The following CLSTN1 variants were observed in gnomAD, a reference collection of about 807,000 sequenced individuals.
CLSTN1 encodes the protein calsyntenin 1.
In CLSTN1, 28 loss-of-function variants were observed where a neutral mutation model predicts 108.3. The ratio of observed to expected loss-of-function variants is 0.26; its 90% CI spans 0.19 to 0.35. The LOEUF (loss-of-function observed/expected upper bound fraction) is 0.35, where lower values mean the gene tolerates loss of function less well. Ranked by LOEUF, CLSTN1 falls within the 10% of genes least tolerant of loss-of-function variation. The probability of loss-of-function intolerance (pLI) is 1.00; values close to 1 mark genes in which losing one functional copy is unlikely to be tolerated. For synonymous variants in CLSTN1, 524 were observed against 534.9 expected, an observed-to-expected ratio of 0.98 and a Z score of 0.28; for missense variants, 1,157 against 1,302.6, an observed-to-expected ratio of 0.89 and a Z score of 1.72.
At chr1:9,772,674 A>C (rs941330436) in intron 2 of CLSTN1, among the ~76,000 whole-genome samples, 1 of 152,182 alleles carries the variant, frequency 6.6e-6, no homozygotes, top group Admixed American at 6.5e-5. Context: ...ACAGTATGAA[A>C]ATCTCCAAAG....
At chr1:9,762,614 C>A (rs973389538) in intron 2 of CLSTN1, among the ~76,000 whole-genome samples, 2 of 149,342 alleles carry the variant, frequency 1.3e-5, no homozygotes, top group East Asian at 2.0e-4. Flanking sequence ...GCCTTGGTGC[C>A]CGCACTCAAC....
At position 9,731,704 on chromosome 1, in the gene CLSTN1, G is replaced by A. The variant is rs1439718359; in HGVS notation, c.2563+57C>T. 12 of 1,580,700 alleles carry A rather than the reference G, an allele frequency of 7.6e-6. No homozygotes were observed. In the South Asian group the frequency reaches 8.9e-5, roughly 12 times the overall value. On this transcript the variant is annotated intron_variant, in intron 17 of 18. Transcript: ENST00000377298. ...CAGGAGGCTGTGCCCACGGTGGGGT[G>A]GGGGCAGGGCGGACGGCATGGAGCA...
At chr1:9,762,953 G>A (rs1481301217) in intron 2 of CLSTN1, among the ~76,000 whole-genome samples, 2 of 149,680 alleles carry the variant, frequency 1.3e-5, no homozygotes, top group Non-Finnish European at 2.9e-5. Context: ...CAGTTTTTTC[G>A]GGGTACCTTT....
chr1:9,773,514 G>C (rs1288879752), intron 1 of CLSTN1, 120 bp from the exon 2 acceptor site: 3 of 1,103,436 alleles, frequency 2.7e-6, no homozygotes, highest in African/African-American at 3.2e-5. Context: ...CTTGAAGACA[G>C]TGCTCACAGT....
intron 9 of CLSTN1, among the ~76,000 whole-genome samples, chr1:9,741,847 G>C (rs1436312406): frequency 1.3e-5 from 2 of 152,218 alleles, no homozygotes; most frequent in East Asian, 1.9e-4. Flanking sequence ...GGGAGGCAAA[G>C]GTTGCGGTGA....
At position 9,787,402 on chromosome 1, in the gene CLSTN1, AT is replaced by A. The variant is rs70998310; in HGVS notation, c.92-14009del. 4.1e-3 allele frequency among the ~76,000 whole-genome samples: 559 copies of A among 136,582 alleles called. 3 individuals are homozygous for A. The highest frequency in any genetic ancestry group is 8.3e-3 in the African/African-American group (305 of 36,682). 89.6% of individuals were successfully genotyped at this position (136,582 alleles called of 152,430 possible). On this transcript the variant is annotated intron_variant, in intron 1 of 18. Transcript: ENST00000377298. ...TTGAAAGCTTAAAGTGAGCCTTCTA[AT>A]TTTTTTTTTTTTTTTTTTGAGACGG...
At chr1:9,751,744 AGT>A in intron 4 of CLSTN1, 63 bp from the exon 5 acceptor site, 4 of 1,446,824 alleles carry the variant, frequency 2.8e-6, no homozygotes, top group Non-Finnish European at 9.7e-7. Flanking sequence ...AGAGACAGAG[AGT>A]GTGTATGTGT....
intron 1 of CLSTN1, among the ~76,000 whole-genome samples, chr1:9,781,998 C>A (rs180783623): frequency 6.6e-6 from 1 of 152,270 alleles, no homozygotes; most frequent in Non-Finnish European, 1.5e-5. Context: ...AAAGCTGACA[C>A]TATTTCAGCC....
At chr1:9,810,070 G>A (rs1335677894) in intron 1 of CLSTN1, among the ~76,000 whole-genome samples, 2 of 129,120 alleles carry the variant, frequency 1.5e-5, no homozygotes, top group Non-Finnish European at 3.3e-5. Flanking sequence ...GAAAGAGAGG[G>A]AGAGAGAGAG....
At chr1:9,784,504 T>G (rs1653393518) in intron 1 of CLSTN1, among the ~76,000 whole-genome samples, 1 of 152,090 alleles carries the variant, frequency 6.6e-6, no homozygotes, top group Non-Finnish European at 1.5e-5. Flanking sequence ...AGACTATCTC[T>G]AAAGAAAAAA....
rs1652877136 is a variant in CLSTN1 at position 9,775,203 on chromosome 1, C to G, written c.92-1809G>C. ...CATCCTGTGACTTAGAATGCCTTAACCTCCTAGGAATGCAGCCCAATAGAT... is the reference window on the plus strand; with the variant it reads ...CATCCTGTGACTTAGAATGCCTTAAGCTCCTAGGAATGCAGCCCAATAGAT... On this transcript the variant is annotated intron_variant, in intron 1 of 18. Transcript: ENST00000377298. Among the ~76,000 whole-genome samples the G allele has an allele frequency of 3.3e-5, 5 of 152,118 alleles. No individual in the cohort carries two copies. In the South Asian group the frequency reaches 1.0e-3, roughly 32 times the overall value.
At chr1:9,758,244 C>T (rs891321321) in intron 2 of CLSTN1, among the ~76,000 whole-genome samples, 11 of 152,188 alleles carry the variant, frequency 7.2e-5, no homozygotes, top group Admixed American at 1.3e-4. Context: ...CCGCCCGCCT[C>T]GGCCTCCCAA....
intron 2 of CLSTN1, among the ~76,000 whole-genome samples, chr1:9,771,877 C>A (rs1652700918): frequency 6.6e-6 from 1 of 152,052 alleles, no homozygotes; most frequent in Non-Finnish European, 1.5e-5. Context: ...TCTTCAGAAA[C>A]AAACTCATGT....
Position 9,823,265 on chromosome 1 carries a change from G to C in CLSTN1, c.91+378C>G, listed in dbSNP as rs1260673508. 2.6e-5 allele frequency among the ~76,000 whole-genome samples: 4 copies of C among 152,202 alleles called. No homozygotes were observed. Among genetic ancestry groups the C allele is most frequent in the African/African-American group, 9.6e-5 (4 of 41,462 alleles). Reference sequence around the variant, plus strand: ...GCAGCCCCAGCCTGCGTGCGCCGCTGAGCAGGGCGGACTGACCCTTCGGCC... The same window carrying C: ...GCAGCCCCAGCCTGCGTGCGCCGCTCAGCAGGGCGGACTGACCCTTCGGCC... On this transcript the variant is annotated intron_variant, in intron 1 of 18. Transcript: ENST00000377298. This position sits in a 1 kb window ranked among gnomAD's most constrained non-coding sequence, Gnocchi z 6.3.
chr1:9,770,528 C>T (rs76606485), intron 2 of CLSTN1, among the ~76,000 whole-genome samples: 3,180 of 152,354 alleles, frequency 0.021, 48 homozygotes, highest in Non-Finnish European at 0.033. Flanking sequence ...CTGCACCCCC[C>T]GACCAGCTAC....
chr1:9,745,082 G>A (rs1651188113), intron 7 of CLSTN1, among the ~76,000 whole-genome samples: 2 of 151,954 alleles, frequency 1.3e-5, no homozygotes, highest in South Asian at 4.2e-4. Flanking sequence ...AAAAATCAGG[G>A]TTTTAAATTA....
chr1:9,770,485 G>A (rs888904090), intron 2 of CLSTN1, among the ~76,000 whole-genome samples: 2 of 152,216 alleles, frequency 1.3e-5, no homozygotes, highest in East Asian at 1.9e-4. Context: ...CATCGTAGCA[G>A]GCAGCTGTCC....
chr1:9,730,538 C>T lies in CLSTN1; in HGVS notation c.2916G>A (p.Leu972=). The part of the protein sequence containing the change: ...DPQNATRQQQ[L]EWDDSTLSY ...AGCTGAGGGTGGAGTCATCCCACTC[C>T]AGCTGCTGCTGCCGGGTTGCGTTCT... Residue 972 remains leucine, a synonymous_variant, in exon 19 of 19, where the codon CTG becomes CTA. Transcript: ENST00000377298. This position sits in a 1 kb window ranked among gnomAD's most constrained non-coding sequence, Gnocchi z 5.6. 6.2e-7 allele frequency: 1 copy of T among 1,606,636 alleles called. No homozygotes were observed. Among genetic ancestry groups the T allele is most frequent in the Non-Finnish European group, 8.5e-7 (1 of 1,179,976 alleles).
intron 7 of CLSTN1, among the ~76,000 whole-genome samples, chr1:9,747,009 A>G (rs2101100763): frequency 6.6e-6 from 1 of 150,950 alleles, no homozygotes; most frequent in South Asian, 2.1e-4. Context: ...GTGAAATCCC[A>G]TCTCTACTAA....
Sources: allele counts gnomAD v4.1 joint callset (sites outside exome capture counted in the v4.1 genomes callset), GRCh38; gene constraint gnomAD v4.1.1; non-coding constraint Gnocchi (gnomAD v3.1); transcripts MANE v1.5; gene names NCBI Gene and HGNC (gene_info 2026-07-23, HGNC 2026-07-21).